The following MEOX2 variants were observed in gnomAD, a reference collection of about 807,000 sequenced individuals.
The protein encoded by MEOX2 is mesenchyme homeobox 2.
Under a neutral mutation model 27.0 loss-of-function variants are expected in MEOX2, and 11 were observed. That is an observed-to-expected ratio of 0.41 (90% confidence interval 0.26 to 0.68). The LOEUF is 0.68. Among genes scored for constraint, MEOX2 ranks in the 30% least tolerant of loss-of-function variants. The probability of loss-of-function intolerance (pLI) is 0.33; values close to 1 mark genes in which losing one functional copy is unlikely to be tolerated. For missense variants in MEOX2, 436 were observed against 385.4 expected (o/e 1.13, Z -1.10); for synonymous variants, 189 against 155.4 (o/e 1.22, Z -1.61).
At chr7:15,682,574 T>A (rs1474952478) in intron 1 of MEOX2, among the ~76,000 whole-genome samples, 1 of 151,920 alleles carries the variant, frequency 6.6e-6, no homozygotes, top group East Asian at 1.9e-4. Flanking sequence ...TTTTATAAAA[T>A]ATGTATCATA....
intron 2 of MEOX2, among the ~76,000 whole-genome samples, chr7:15,622,134 A>G (rs1781231522): frequency 6.6e-6 from 1 of 152,046 alleles, no homozygotes; most frequent in Non-Finnish European, 1.5e-5. Flanking sequence ...AAACACACAA[A>G]CAAAAGCAAT....
At chr7:15,656,590 G>A (rs1781825888) in intron 1 of MEOX2, among the ~76,000 whole-genome samples, 1 of 151,746 alleles carries the variant, frequency 6.6e-6, no homozygotes, top group Non-Finnish European at 1.5e-5. Context: ...TGAGTGAAGT[G>A]TAGAAACCTG....
At chr7:15,618,884 T>C (rs2115354956) in intron 2 of MEOX2, among the ~76,000 whole-genome samples, 4 of 152,092 alleles carry the variant, frequency 2.6e-5, no homozygotes, top group Admixed American at 2.6e-4. Flanking sequence ...ATAATTTTAA[T>C]AACTTCAAAA....
Position 15,686,031 on chromosome 7 carries a change from C to T in MEOX2, c.372G>A (p.Pro124=). 1.2e-6 allele frequency: 2 copies of T among 1,606,286 alleles called. No homozygotes were observed. Among genetic ancestry groups the T allele is most frequent in the Non-Finnish European group, 8.5e-7 (1 of 1,179,288 alleles). ...SGGPPELGSS[P]PVLCSNSSSL... ...TGGAAGAGTTGGAGCACAGGACGGGCGGGCTGCTCCCCAACTCTGGGGGCC... is the reference window on the plus strand; with the variant it reads ...TGGAAGAGTTGGAGCACAGGACGGGTGGGCTGCTCCCCAACTCTGGGGGCC... The change falls in exon 1 of 3, where the codon CCG becomes CCA. Residue 124 remains proline, a synonymous_variant. Transcript: ENST00000262041.
At position 15,626,811 on chromosome 7, in the gene MEOX2, G is replaced by C; in HGVS notation, c.625C>G (p.His209Asp). 1 of 1,610,346 alleles carries C rather than the reference G, an allele frequency of 6.2e-7. No individual in the cohort carries two copies. ...IRELEAEFAH[H>D]NYLTRLRRYE... ...CGCCTCAGTCTGGTGAGATAATTAT[G>C]ATGGGCAAATTCTGCTTCAAGTTCT... Residue 209 changes from histidine to aspartate, a missense_variant, in exon 2 of 3, where the codon CAT becomes GAT. Physicochemically the swap from His to Asp is moderately conservative, Grantham distance 81 (BLOSUM62 -1). Transcript: ENST00000262041.
chr7:15,667,913 G>A (rs1782034794), intron 1 of MEOX2: 1 of 152,122 alleles, frequency 6.6e-6, no homozygotes, highest in Admixed American at 6.6e-5. Flanking sequence ...TGCCTCTTGT[G>A]TTAAGCAGTC....
Position 15,652,035 on chromosome 7 carries a change from A to G in MEOX2, c.518-25117T>C, listed in dbSNP as rs569096060. ...CAGTCTTAGACTCTACCAACAAAGG[A>G]TCTGAACAGCTTACAAAATACCATC... On this transcript the variant is annotated intron_variant, in intron 1 of 2. Transcript: ENST00000262041. Among the ~76,000 whole-genome samples the G allele has an allele frequency of 6.1e-4, 93 of 152,154 alleles. No homozygotes were observed. In the South Asian group the frequency reaches 7.0e-3, roughly 12 times the overall value.
chr7:15,680,352 C>A (rs773592489), intron 1 of MEOX2: 2 of 151,728 alleles, frequency 1.3e-5, no homozygotes, highest in Non-Finnish European at 2.9e-5. Context: ...GTAAGTAAAA[C>A]GGGAAGAACT....
chr7:15,637,407 A>G (rs1781496346), intron 1 of MEOX2, among the ~76,000 whole-genome samples: 1 of 152,082 alleles, frequency 6.6e-6, no homozygotes, highest in African/African-American at 2.4e-5. Context: ...ATTCCATTAC[A>G]TGGTGGAGAG....
At chr7:15,679,261 G>A (rs1782254482) in intron 1 of MEOX2, 1 of 151,922 alleles carries the variant, frequency 6.6e-6, no homozygotes, top group Non-Finnish European at 1.5e-5. Context: ...CTTTTAACGT[G>A]TGTTTTAAGT....
chr7:15,622,214 C>T (rs773718664), intron 2 of MEOX2, among the ~76,000 whole-genome samples: 1 of 152,072 alleles, frequency 6.6e-6, no homozygotes, highest in South Asian at 2.1e-4. Flanking sequence ...GATAGATATA[C>T]ATATAGTTAG....
At position 15,663,332 on chromosome 7, in the gene MEOX2, A is replaced by C. The variant is rs553197747; in HGVS notation, c.517+22554T>G. Among the ~76,000 whole-genome samples, 460 of 151,914 alleles carry C rather than the reference A, an allele frequency of 3.0e-3. 2 individuals carry two copies. Among genetic ancestry groups the C allele is most frequent in the African/African-American group, 0.011 (440 of 41,396 alleles). On this transcript the variant is annotated intron_variant, in intron 1 of 2. Transcript: ENST00000262041. Reference sequence around the variant, plus strand: ...GTCAAGCAAGAGAAATTTCTGTAGTAATCTTTTTTTTTTTTTTTGAGACGG... The same window carrying C: ...GTCAAGCAAGAGAAATTTCTGTAGTCATCTTTTTTTTTTTTTTTGAGACGG...
At chr7:15,618,086 T>C (rs1041685142) in intron 2 of MEOX2, among the ~76,000 whole-genome samples, 1 of 152,028 alleles carries the variant, frequency 6.6e-6, no homozygotes. Context: ...ATTCACATGA[T>C]AAAGCAAAGT....
intron 1 of MEOX2, among the ~76,000 whole-genome samples, chr7:15,641,671 G>A (rs1158696204): frequency 6.6e-6 from 1 of 152,062 alleles, no homozygotes; most frequent in Non-Finnish European, 1.5e-5. Context: ...TTAGATAGTT[G>A]CTTTGTAGTC....
At chr7:15,650,818 T>C (rs1416519974) in intron 1 of MEOX2, among the ~76,000 whole-genome samples, 2 of 152,142 alleles carry the variant, frequency 1.3e-5, no homozygotes, top group South Asian at 2.1e-4. Context: ...TCCACAGTGA[T>C]TTAAAAAGAA....
chr7:15,644,105 T>A (rs1781605402), intron 1 of MEOX2, among the ~76,000 whole-genome samples: 1 of 152,122 alleles, frequency 6.6e-6, no homozygotes, highest in Non-Finnish European at 1.5e-5. Flanking sequence ...CTGGGCTCTG[T>A]TTTCTCCTAG....
At chr7:15,663,588 C>T (rs1313569833) in intron 1 of MEOX2, among the ~76,000 whole-genome samples, 1 of 152,060 alleles carries the variant, frequency 6.6e-6, no homozygotes, top group African/African-American at 2.4e-5. Context: ...ATCCACTCAC[C>T]TTGGACTCCC....
intron 1 of MEOX2, among the ~76,000 whole-genome samples, chr7:15,676,345 C>A (rs1782191695): frequency 6.6e-6 from 1 of 152,142 alleles, no homozygotes; most frequent in African/African-American, 2.4e-5. Context: ...AATATTTGCA[C>A]ATTTGCCATT....
chr7:15,643,389 A>G (rs889959349), intron 1 of MEOX2, among the ~76,000 whole-genome samples: 1 of 152,164 alleles, frequency 6.6e-6, no homozygotes, highest in Non-Finnish European at 1.5e-5. Context: ...GGCAGGTACA[A>G]GCACTGACCT....
Sources: gnomAD v4.1 joint callset for allele counts (sites outside exome capture counted in the v4.1 genomes callset) on GRCh38, gnomAD v4.1.1 for gene constraint, MANE v1.5 for transcripts, NCBI Gene and HGNC (gene_info 2026-07-23, HGNC 2026-07-21) for gene names.